Variants in HDAC9 observed in about 807,000 individuals in gnomAD.
HDAC9 encodes MEF-2 interacting transcription repressor (MITR) protein.
A neutral mutation model predicts 139.4 loss-of-function variants in HDAC9; 41 were observed. That is an observed-to-expected ratio of 0.29 (90% CI 0.23 to 0.38). The LOEUF (loss-of-function observed/expected upper bound fraction) is 0.38. Among genes scored for constraint, HDAC9 ranks in the 10% least tolerant of loss-of-function variants. HDAC9 has a pLI of 1.00. For synonymous variants in HDAC9, 517 were observed against 476.2 expected (o/e 1.09, Z -1.12); for missense variants, 1,147 against 1,297.0 (o/e 0.88, Z 1.78).
At chr7:18,148,817 G>T (rs965638275) in intron 1 of HDAC9, among the ~76,000 whole-genome samples, 1 of 152,102 alleles carries the variant, frequency 6.6e-6, no homozygotes, top group African/African-American at 2.4e-5. Flanking sequence ...GAATAATCCA[G>T]GATAATCTTA....
intron 22 of HDAC9, among the ~76,000 whole-genome samples, chr7:18,924,997 A>C (rs947140672): frequency 1.1e-4 from 16 of 152,304 alleles, no homozygotes; most frequent in Middle Eastern, 3.4e-3. Flanking sequence ...TAGTTTGAAA[A>C]GGAATTAGTT....
intron 23 of HDAC9, among the ~76,000 whole-genome samples, chr7:18,950,196 C>G (rs1013480740): frequency 6.6e-6 from 1 of 152,048 alleles, no homozygotes; most frequent in African/African-American, 2.4e-5. Context: ...TTGGAAGCAA[C>G]CTTTTCTCCT....
intron 21 of HDAC9, among the ~76,000 whole-genome samples, chr7:18,853,081 T>C (rs1189829431): frequency 6.6e-6 from 1 of 152,130 alleles, no homozygotes; most frequent in Admixed American, 6.6e-5. Context: ...GGACTGAGGC[T>C]AGTCCCTGAG....
intron 2 of HDAC9, among the ~76,000 whole-genome samples, chr7:18,279,028 TAGAA>T (rs1400018970): frequency 6.6e-6 from 1 of 152,162 alleles, no homozygotes; most frequent in Non-Finnish European, 1.5e-5. Context: ...GGAAATAAAT[TAGAA>T]AGATATCGGA....
intron 1 of HDAC9, among the ~76,000 whole-genome samples, chr7:18,384,428 G>T (rs185714505): frequency 3.3e-5 from 5 of 152,148 alleles, no homozygotes; most frequent in East Asian, 3.9e-4. Context: ...TTATTTTATT[G>T]TATTTTTTAC....
intron 22 of HDAC9, among the ~76,000 whole-genome samples, chr7:18,888,627 C>CT (rs1481006224): frequency 6.6e-6 from 1 of 152,206 alleles, no homozygotes; most frequent in African/African-American, 2.4e-5. Flanking sequence ...GTATCAGCTT[C>CT]TTCCATGAGA....
intron 2 of HDAC9, among the ~76,000 whole-genome samples, chr7:18,181,387 C>T (rs184698007): frequency 8.9e-4 from 136 of 152,178 alleles, no homozygotes; most frequent in African/African-American, 3.2e-3. Flanking sequence ...AGAATAAATG[C>T]TAAAATAAAG....
At chr7:18,137,406 G>C (rs1293833634) in intron 1 of HDAC9, among the ~76,000 whole-genome samples, 1 of 150,710 alleles carries the variant, frequency 6.6e-6, no homozygotes, top group Non-Finnish European at 1.5e-5. Flanking sequence ...AATGCTTCCA[G>C]TTTTTGCCCA....
intron 1 of HDAC9, among the ~76,000 whole-genome samples, chr7:18,404,800 A>G (rs981783908): frequency 1.1e-4 from 16 of 152,232 alleles, no homozygotes; most frequent in Admixed American, 6.5e-5. Context: ...AATATTAACT[A>G]TTGAAATAAA....
intron 6 of HDAC9, among the ~76,000 whole-genome samples, chr7:18,626,818 C>T (rs1841844791): frequency 6.6e-6 from 1 of 152,112 alleles, no homozygotes; most frequent in Non-Finnish European, 1.5e-5. Context: ...TTCTAGGTTT[C>T]ATCTAGAATG....
At chr7:18,168,157 G>A (rs1788133152) in intron 2 of HDAC9, among the ~76,000 whole-genome samples, 1 of 152,132 alleles carries the variant, frequency 6.6e-6, no homozygotes, top group Admixed American at 6.5e-5. Flanking sequence ...AATATTATAT[G>A]TCCTTAATTA....
At chr7:18,598,630 G>A (rs1388370389) in intron 6 of HDAC9, among the ~76,000 whole-genome samples, 1 of 152,194 alleles carries the variant, frequency 6.6e-6, no homozygotes. Flanking sequence ...GATTTAAGGA[G>A]TGCTTACTCT....
At chr7:18,320,963 A>G (rs1384547144) in intron 1 of HDAC9, among the ~76,000 whole-genome samples, 1 of 152,200 alleles carries the variant, frequency 6.6e-6, no homozygotes, top group African/African-American at 2.4e-5. Context: ...GAGAGAGATA[A>G]TTAAGGAAAT....
chr7:18,644,927 T>A, intron 9 of HDAC9, 134 bp downstream of exon 9: 1 of 805,652 alleles, frequency 1.2e-6, no homozygotes, highest in African/African-American at 1.7e-5. Context: ...TGTTTGCTAT[T>A]TGCTGTGTTG....
At chr7:18,732,757 A>G (rs1413870270) in intron 13 of HDAC9, among the ~76,000 whole-genome samples, 1 of 102,328 alleles carries the variant, frequency 9.8e-6, no homozygotes, top group East Asian at 4.2e-4. Flanking sequence ...GTGTACACAC[A>G]CGTGTATGTG....
intron 23 of HDAC9, among the ~76,000 whole-genome samples, chr7:18,937,030 A>ATTTTTTTTTTTTTTTTTTTTTTTTTTT (rs768350029): frequency 4.1e-5 from 4 of 96,696 alleles, no homozygotes; most frequent in Non-Finnish European, 5.8e-5. Context: ...GCTCTTGTTA[A>ATTTTTTTTTTTTTTTTTTTTTTTTTTT]TTTTTTTTTT....
intron 7 of HDAC9, among the ~76,000 whole-genome samples, chr7:18,631,823 TATC>T (rs1782441951): frequency 6.6e-6 from 1 of 151,984 alleles, no homozygotes; most frequent in East Asian, 1.9e-4. Flanking sequence ...CCAGTTCCAA[TATC>T]ATACACTGAG....
At chr7:18,742,435 G>T (rs1787546588) in intron 13 of HDAC9, among the ~76,000 whole-genome samples, 1 of 152,092 alleles carries the variant, frequency 6.6e-6, no homozygotes, top group Non-Finnish European at 1.5e-5. Context: ...ATGTACATTG[G>T]TTTCTTTGAC....
At position 18,996,135 on chromosome 7, in the gene HDAC9, C is replaced by A; in HGVS notation, c.*73C>A. The A allele has an allele frequency of 8.8e-7, 1 of 1,133,260 alleles. No homozygotes were observed. Among genetic ancestry groups the A allele is most frequent in the Non-Finnish European group, 1.3e-6 (1 of 769,494 alleles). The allele number at this position is 1,133,260 out of a possible 1,614,324, so 70.2% of individuals were successfully genotyped here. On this transcript the variant is annotated 3_prime_UTR_variant, in exon 26 of 26. Transcript: ENST00000686413. ...ATCCCCCCACCCCAGTACCCTCAGA[C>A]ATGTCTTGTCTGCTGCCTGGGTGGC...
Sources: allele counts gnomAD v4.1 joint callset (sites outside exome capture counted in the v4.1 genomes callset), GRCh38; gene constraint gnomAD v4.1.1; transcripts MANE v1.5; gene names NCBI Gene and HGNC (gene_info 2026-07-23, HGNC 2026-07-21).